Variants in PAXIP1 observed in about 807,000 individuals in gnomAD.
PAXIP1 encodes the protein PAX interacting protein 1, also known as PAX-interacting protein 1.
PAXIP1 carries 19 observed loss-of-function variants against 140.6 expected under a neutral mutation model. That is an observed-to-expected ratio of 0.14 (90% CI 0.09 to 0.20). The LOEUF (loss-of-function observed/expected upper bound fraction) is 0.20, where lower values mean the gene tolerates loss of function less well. Among genes scored for constraint, PAXIP1 ranks in the 10% least tolerant of loss-of-function variants. PAXIP1 has a pLI of 1.00. For missense variants in PAXIP1, 920 were observed against 1,208.6 expected, an observed-to-expected ratio of 0.76 and a Z score of 3.54; for synonymous variants, 442 against 444.6, an observed-to-expected ratio of 0.99 and a Z score of 0.07.
intron 5 of PAXIP1, among the ~76,000 whole-genome samples, chr7:154,979,131 A>G (rs1193852649): frequency 6.6e-6 from 1 of 152,164 alleles, no homozygotes; most frequent in Non-Finnish European, 1.5e-5. Context: ...GCCTGACCCA[A>G]TTTATCAGCT....
intron 5 of PAXIP1, among the ~76,000 whole-genome samples, chr7:154,977,546 C>A (rs1809640615): frequency 1.3e-5 from 2 of 152,184 alleles, no homozygotes; most frequent in Admixed American, 1.3e-4. Flanking sequence ...GAGCTCTGCA[C>A]ACAGCTCAGT....
chr7:154,975,820 T>C lies in PAXIP1; in HGVS notation c.950A>G (p.Gln317Arg). 1 of 1,614,014 alleles carries C rather than the reference T, an allele frequency of 6.2e-7. No homozygotes were observed. Among genetic ancestry groups the C allele is most frequent in the Non-Finnish European group, 8.5e-7 (1 of 1,179,880 alleles). The change falls in exon 6 of 21, where the codon CAA becomes CGA. Residue 317 changes from glutamine (Q) to arginine (R), a missense_variant. This residue lies in a region of PAXIP1 where 419 missense variants were observed against 514.7 expected (regional missense o/e 0.81). Transcript: ENST00000404141. ...EVRGNLMAAGQNLQSSERSEM... is the reference protein window; with the variant it reads ...EVRGNLMAAGRNLQSSERSEM... ...TGATCTTTCAGAACTTTGGAGGTTT[T>C]GTCCAGCAGCCATTAAATTACCCCG...
chr7:154,995,652 C>T (rs986452401), intron 2 of PAXIP1, among the ~76,000 whole-genome samples: 3 of 152,108 alleles, frequency 2.0e-5, no homozygotes, highest in South Asian at 2.1e-4. Flanking sequence ...AGGTTCGAGA[C>T]CAGCCTGGCC....
intron 8 of PAXIP1, among the ~76,000 whole-genome samples, chr7:154,966,967 T>TC (rs1018581923): frequency 5.3e-5 from 8 of 152,048 alleles, no homozygotes; most frequent in Admixed American, 2.0e-4. Flanking sequence ...TGGAAAATCC[T>TC]CCCCCCTAAT....
Position 154,968,660 on chromosome 7 carries a change from AGCTGCTGCTGCTGGAGCTGGT to A in PAXIP1, c.1520_1540del (p.His507_Gln513del). On this transcript the variant is annotated inframe_deletion, in exon 7 of 21. Coordinates refer to ENST00000404141, the MANE Select transcript of PAXIP1 (RefSeq NM_007349.4). ...GCTGTGCTGCTGCTGGAGCTGGGCAAGCTGCTGCTGCTGGAGCTGGTGCTGCTGCAGCTGATGGAACTGCTG... is the reference window on the plus strand; with the variant it reads ...GCTGTGCTGCTGCTGGAGCTGGGCAAGCTGCTGCAGCTGATGGAACTGCTG... 1.4e-6 allele frequency: 1 copy of A among 712,670 alleles called. No homozygotes were observed. The highest frequency in any genetic ancestry group is 2.0e-5 in the Admixed American group (1 of 49,480). The allele number at this position is 712,670 out of a possible 1,614,324, so 44.1% of individuals were successfully genotyped here.
chr7:154,987,489 G>A (rs1398958988), intron 4 of PAXIP1, among the ~76,000 whole-genome samples: 10 of 152,078 alleles, frequency 6.6e-5, no homozygotes, highest in Admixed American at 6.6e-4. Flanking sequence ...ACCAATGCGT[G>A]CTATCCAAGG....
At chr7:154,957,975 A>C in intron 13 of PAXIP1, among the ~76,000 whole-genome samples, 1 of 137,534 alleles carries the variant, frequency 7.3e-6, no homozygotes, top group South Asian at 2.1e-4. Context: ...CTCCGTCTCA[A>C]AAAAAAAAAA....
intron 4 of PAXIP1, among the ~76,000 whole-genome samples, chr7:154,985,186 T>C (rs764907527): frequency 7.9e-5 from 12 of 152,258 alleles, no homozygotes; most frequent in Non-Finnish European, 1.5e-4. Context: ...GATAGGATTA[T>C]GGGGACATTT....
In PAXIP1 at chr7:154,957,293, C is replaced by T. The variant is rs1472145416; in HGVS notation, c.2480G>A (p.Ser827Asn). The T allele has an allele frequency of 6.3e-7, 1 of 1,580,094 alleles. No homozygotes were observed. Among genetic ancestry groups the T allele is most frequent in the Non-Finnish European group, 8.7e-7 (1 of 1,154,626 alleles). The change falls in exon 14 of 21, where the codon AGT (serine) becomes AAT (asparagine). Residue 827 changes from serine (S) to asparagine (N), a missense_variant and splice_region_variant. Physicochemically the swap from Ser to Asn is conservative, Grantham distance 46. Around this residue, in one of 5 missense-constraint regions of PAXIP1, gnomAD observed 303 missense variants for 517.9 expected, o/e 0.59. Coordinates refer to ENST00000404141, the MANE Select transcript of PAXIP1 (RefSeq NM_007349.4). ...TTTCAGTTTGGGAGGTAGTCTTATA[C>T]TCTGCAATTAAAATATTGTCGACTT... ...PLKVSAELLM[S>N]IRLPPKLKQN... is the part of the protein sequence containing the mutation.
intron 2 of PAXIP1, among the ~76,000 whole-genome samples, chr7:154,994,709 A>G (rs56768491): frequency 0.08 from 12,240 of 152,238 alleles, 1,063 homozygotes; most frequent in African/African-American, 0.2. Flanking sequence ...AAAATTTTTC[A>G]GCATAACTCT....
chr7:154,949,723 A>C (rs1434835590), intron 16 of PAXIP1: 1 of 152,120 alleles, frequency 6.6e-6, no homozygotes, highest in Non-Finnish European at 1.5e-5. Context: ...AACATGGTGA[A>C]ACCCTGTCTC....
chr7:154,967,994 G>A lies in PAXIP1; in HGVS notation c.1799-84C>T. 4 of 807,586 alleles carry A rather than the reference G, an allele frequency of 5.0e-6. 1 individual carries two copies. The South Asian group carries it at 5.0e-5, about 10-fold the overall frequency. The allele number at this position is 807,586 out of a possible 1,614,324, so 50.0% of individuals were successfully genotyped here. A position where few individuals can be genotyped will look rare whatever the true frequency, so the allele number is the denominator to read the frequency against. On this transcript the variant is annotated intron_variant, in intron 7 of 20. Transcript: ENST00000404141. ...AAGTTAAAAAGTGGCGCCTCACAAT[G>A]TCAATCTGTTATGTTTATCAGTCTT...
chr7:154,998,944 T>C (rs1327075262), intron 1 of PAXIP1, among the ~76,000 whole-genome samples, 160 bp from the exon 2 acceptor site: 1 of 152,220 alleles, frequency 6.6e-6, no homozygotes, highest in African/African-American at 2.4e-5. Flanking sequence ...AATATGCCAA[T>C]GAAACTTTCG....
rs1187268128 is a variant in PAXIP1 at position 154,946,022 on chromosome 7, A to C, written c.3194+343T>G. ...ACTAAATTTCATTTGGAAAACTACA[A>C]ACTCAAAGGTGAGCTGATAAAAAGA... On this transcript the variant is annotated intron_variant, in intron 20 of 20. Coordinates refer to ENST00000404141, the MANE Select transcript of PAXIP1 (RefSeq NM_007349.4). This position sits in a 1 kb window ranked among gnomAD's most constrained non-coding sequence, Gnocchi z 4.9. 3 of 984,546 alleles carry C rather than the reference A, an allele frequency of 3.0e-6. No homozygotes were observed. The Admixed American group carries it at 1.8e-4, about 60-fold the overall frequency. 61.0% of individuals were successfully genotyped at this position (984,546 alleles called of 1,614,324 possible). A position where few individuals can be genotyped will look rare whatever the true frequency, so the allele number is the denominator to read the frequency against.
At chr7:154,982,887 A>G (rs1339903202) in intron 5 of PAXIP1, among the ~76,000 whole-genome samples, 1 of 152,244 alleles carries the variant, frequency 6.6e-6, no homozygotes, top group Non-Finnish European at 1.5e-5. Context: ...AAAAATGGTG[A>G]CGGGAACTAA....
In PAXIP1 at chr7:154,967,809, A is replaced by G. The variant is rs1248509314; in HGVS notation, c.1893+7T>C. ...CACAGTCATCCTTCCTCCAGGCACA[A>G]TCTCACCCTTTTCCAGGTGGCCAGC... On this transcript the variant is annotated splice_region_variant and intron_variant, in intron 8 of 20. Transcript: ENST00000404141. The G allele has an allele frequency of 6.2e-7, 1 of 1,603,374 alleles. No homozygotes were observed. Among genetic ancestry groups the G allele is most frequent in the South Asian group, 1.1e-5 (1 of 90,724 alleles).
Position 154,968,920 on chromosome 7 carries a change from G to A in PAXIP1, c.1281C>T (p.Leu427=), listed in dbSNP as rs775449630. The A allele has an allele frequency of 9.0e-6, 12 of 1,328,444 alleles. No individual in the cohort carries two copies. Among genetic ancestry groups the A allele is most frequent in the East Asian group, 5.1e-5 (2 of 39,468 alleles). The allele number at this position is 1,328,444 out of a possible 1,614,324, so 82.3% of individuals were successfully genotyped here. ...LHLQPQQIMQ[L]QQQQQQQISQ... ...AGATCTGCTGCTGCTGCTGCTGCTG[G>A]AGCTGCATTATCTGCTGGGGCTGAA... Residue 427 remains leucine, a synonymous_variant, in exon 7 of 21, where the codon CTC becomes CTT. Transcript: ENST00000404141.
At chr7:154,945,386 G>GT in intron 20 of PAXIP1, 1 of 254,806 alleles carries the variant, frequency 3.9e-6, no homozygotes, top group Non-Finnish European at 6.2e-6. Flanking sequence ...TTTGATAAAT[G>GT]TAATTAACTG....
intron 2 of PAXIP1, among the ~76,000 whole-genome samples, chr7:154,996,468 A>C (rs184477457): frequency 6.6e-6 from 1 of 152,366 alleles, no homozygotes; most frequent in Admixed American, 6.5e-5. Context: ...TAATTGTATA[A>C]GTAATGGGTA....
Sources: allele counts gnomAD v4.1 joint callset (sites outside exome capture counted in the v4.1 genomes callset), GRCh38; gene constraint gnomAD v4.1.1; regional missense constraint gnomAD v4.1.1; non-coding constraint Gnocchi (gnomAD v3.1); transcripts MANE v1.5; gene names NCBI Gene and HGNC (gene_info 2026-07-23, HGNC 2026-07-21).